EPSTI1: variants seen among roughly 807,000 people sequenced by gnomAD.
The protein encoded by EPSTI1 is epithelial stromal interaction 1.
EPSTI1 carries 66 observed loss-of-function variants against 49.9 expected under a neutral mutation model. The ratio of observed to expected loss-of-function variants is 1.32; its 90% CI spans 1.08 to 1.62. The LOEUF is 1.62. EPSTI1 is among the 40% of genes most tolerant of loss of function. The pLI is 0.00. For synonymous variants in EPSTI1, 137 were observed against 130.7 expected (o/e 1.05, Z -0.33); for missense variants, 394 against 365.5 (o/e 1.08, Z -0.64).
chr13:42,988,819 C>A (rs1336197773), intron 1 of EPSTI1, among the ~76,000 whole-genome samples: 1 of 150,190 alleles, frequency 6.7e-6, no homozygotes, highest in Middle Eastern at 3.5e-3. Context: ...CAGATTTTTA[C>A]TAGTATACTT....
chr13:42,969,551 T>C (rs1421563158), intron 2 of EPSTI1: 1 of 223,146 alleles, frequency 4.5e-6, no homozygotes, highest in South Asian at 6.1e-5. Context: ...ATAAGAACTT[T>C]CCACACATAG....
intron 8 of EPSTI1, among the ~76,000 whole-genome samples, chr13:42,908,235 C>G (rs2037554242): frequency 6.6e-6 from 1 of 152,164 alleles, no homozygotes; most frequent in African/African-American, 2.4e-5. Context: ...CCTGTAATCC[C>G]CACCCTTTGG....
chr13:42,927,575 T>C (rs1310572416), intron 6 of EPSTI1, among the ~76,000 whole-genome samples: 1 of 152,112 alleles, frequency 6.6e-6, no homozygotes, highest in Non-Finnish European at 1.5e-5. Flanking sequence ...TGGCATCCAG[T>C]GTAGGAGCAA....
At chr13:42,937,794 G>A (rs1370659852) in intron 6 of EPSTI1, among the ~76,000 whole-genome samples, 1 of 152,040 alleles carries the variant, frequency 6.6e-6, no homozygotes, top group Non-Finnish European at 1.5e-5. Flanking sequence ...CCATATTCCT[G>A]TTAATGTTGA....
intron 6 of EPSTI1, among the ~76,000 whole-genome samples, chr13:42,949,740 T>C (rs2039039595): frequency 6.6e-6 from 1 of 152,128 alleles, no homozygotes; most frequent in South Asian, 2.1e-4. Flanking sequence ...TTTTTCCTAA[T>C]ACCCGCACAC....
chr13:42,896,919 G>A (rs1005632547), intron 9 of EPSTI1, among the ~76,000 whole-genome samples: 1 of 152,046 alleles, frequency 6.6e-6, no homozygotes, highest in Non-Finnish European at 1.5e-5. Flanking sequence ...GGCCAACCTG[G>A]CAAAACCTCA....
At chr13:42,951,640 T>C (rs1309531228) in intron 6 of EPSTI1, among the ~76,000 whole-genome samples, 1 of 152,218 alleles carries the variant, frequency 6.6e-6, no homozygotes, top group Non-Finnish European at 1.5e-5. Context: ...AAGCTGGAAC[T>C]ATAAAAGAAA....
rs149759184 is a variant in EPSTI1, at chr13:42,920,445, TG to T, written c.658-2822del. 2.7e-3 allele frequency among the ~76,000 whole-genome samples: 411 copies of T among 152,300 alleles called. 1 individual carries two copies. Among genetic ancestry groups the T allele is most frequent in the African/African-American group, 9.5e-3 (397 of 41,574 alleles). On this transcript the variant is annotated intron_variant, in intron 7 of 10. Coordinates refer to ENST00000313624, the MANE Select transcript of EPSTI1 (RefSeq NM_033255.5). Reference sequence around the variant, plus strand: ...GAGGAAAAGAGCAAACCTGAAGACTTGCTGGAAGGGGCTAGAGGACACCTAT... The same window carrying T: ...GAGGAAAAGAGCAAACCTGAAGACTTCTGGAAGGGGCTAGAGGACACCTAT...
chr13:42,888,477 T>A lies in EPSTI1; in HGVS notation c.*17A>T. Reference sequence around the variant, plus strand: ...TCGAGGTCAGTTGATGAAGGCCAGATAGGAGTCAATATTTTCTCATATACC... The same window carrying A: ...TCGAGGTCAGTTGATGAAGGCCAGAAAGGAGTCAATATTTTCTCATATACC... On this transcript the variant is annotated 3_prime_UTR_variant, in exon 11 of 11. Coordinates refer to ENST00000313624, the MANE Select transcript of EPSTI1 (RefSeq NM_033255.5). 1 of 1,613,824 alleles carries A rather than the reference T, an allele frequency of 6.2e-7. No homozygotes were observed. The highest frequency in any genetic ancestry group is 1.7e-5 in the Admixed American group (1 of 59,986).
chr13:42,938,493 A>T (rs1025712429), intron 6 of EPSTI1, among the ~76,000 whole-genome samples: 4 of 152,122 alleles, frequency 2.6e-5, no homozygotes, highest in African/African-American at 7.2e-5. Context: ...ACTTAAAGTC[A>T]CCATCTGCAT....
At chr13:42,989,760 A>G (rs1429846100) in intron 1 of EPSTI1, among the ~76,000 whole-genome samples, 1 of 150,662 alleles carries the variant, frequency 6.6e-6, no homozygotes, top group Non-Finnish European at 1.5e-5. Flanking sequence ...TGCCCAGCTA[A>G]TTTTTTGTAT....
intron 7 of EPSTI1, among the ~76,000 whole-genome samples, chr13:42,921,907 G>C (rs1262319204): frequency 6.6e-6 from 1 of 152,138 alleles, no homozygotes; most frequent in African/African-American, 2.4e-5. Flanking sequence ...GCATAAGTTG[G>C]AAAATTGTTT....
chr13:42,910,434 A>G (rs1278522830), intron 8 of EPSTI1, among the ~76,000 whole-genome samples: 1 of 151,674 alleles, frequency 6.6e-6, no homozygotes, highest in African/African-American at 2.4e-5. Flanking sequence ...GCTAAGTTTT[A>G]GTAGAGATGG....
chr13:42,970,774 C>T (rs1010412455), intron 1 of EPSTI1, 104 bp from the exon 2 acceptor site: 1 of 805,538 alleles, frequency 1.2e-6, no homozygotes, highest in African/African-American at 1.8e-5. Context: ...ATGATCATTA[C>T]CATCAAATAG....
intron 5 of EPSTI1, among the ~76,000 whole-genome samples, chr13:42,958,447 A>G (rs2153429933): frequency 6.6e-6 from 1 of 152,256 alleles, no homozygotes; most frequent in South Asian, 2.1e-4. Context: ...AAACAAAAAC[A>G]AAACAAACAA....
At chr13:42,941,630 C>T (rs1168305102) in intron 6 of EPSTI1, among the ~76,000 whole-genome samples, 34 of 141,072 alleles carry the variant, frequency 2.4e-4, no homozygotes, top group Non-Finnish European at 1.1e-4. Flanking sequence ...AAAAAAAAAA[C>T]AGAAAAAAAA....
Position 42,917,638 on chromosome 13 carries a change from A to AAAAT in EPSTI1, c.658-15_658-14insATTT. ...CCAGCTTCTGGCCTGTAAAGGTACA[A>AAAAT]AGAGAAAAAAAAAAAAAAAAACAAC... On this transcript the variant is annotated splice_polypyrimidine_tract_variant and intron_variant, in intron 7 of 10. Transcript: ENST00000313624. 1.0e-6 allele frequency: 1 copy of AAAAT among 990,226 alleles called. No individual in the cohort carries two copies. The highest frequency in any genetic ancestry group is 1.5e-6 in the Non-Finnish European group (1 of 680,186). 61.3% of individuals were successfully genotyped at this position (990,226 alleles called of 1,614,324 possible).
chr13:42,892,716 T>C (rs1159863307), intron 10 of EPSTI1, among the ~76,000 whole-genome samples: 1 of 152,142 alleles, frequency 6.6e-6, no homozygotes, highest in Non-Finnish European at 1.5e-5. Flanking sequence ...AACATATAGA[T>C]AGTATCTAAT....
chr13:42,984,141 A>G (rs1031186556), intron 1 of EPSTI1, among the ~76,000 whole-genome samples: 7 of 152,228 alleles, frequency 4.6e-5, no homozygotes, highest in Admixed American at 4.6e-4. Context: ...TCCCCTAATG[A>G]ATAACCATCT....
Sources: allele counts gnomAD v4.1 joint callset (sites outside exome capture counted in the v4.1 genomes callset), GRCh38; gene constraint gnomAD v4.1.1; transcripts MANE v1.5; gene names NCBI Gene and HGNC (gene_info 2026-07-23, HGNC 2026-07-21).